ANKS1B: variants seen among roughly 807,000 people sequenced by gnomAD.
ANKS1B encodes ankyrin repeat and sterile alpha motif domain containing 1B, also known as ankyrin repeat and sterile alpha motif domain-containing protein 1B.
Under a neutral mutation model 148.3 loss-of-function variants are expected in ANKS1B, and 36 were observed. The observed-to-expected ratio is 0.24, with a 90% CI of 0.19 to 0.32. The LOEUF (loss-of-function observed/expected upper bound fraction) is 0.32, where lower values mean the gene tolerates loss of function less well. Ranked by LOEUF, ANKS1B falls within the 10% of genes least tolerant of loss-of-function variation. The pLI, the probability that ANKS1B is intolerant of heterozygous loss-of-function variation, is 1.00. For missense variants in ANKS1B, 1,157 were observed against 1,542.6 expected (o/e 0.75, Z 4.19); for synonymous variants, 542 against 560.8 (o/e 0.97, Z 0.47).
At chr12:99,651,794 TAA>T (rs1438497129) in intron 9 of ANKS1B, among the ~76,000 whole-genome samples, 1 of 151,938 alleles carries the variant, frequency 6.6e-6, no homozygotes, top group African/African-American at 2.4e-5. Flanking sequence ...ATACTGATAA[TAA>T]CAGAAAAAGA....
In ANKS1B at chr12:99,783,527, T is replaced by C. The variant is rs542427804; in HGVS notation, c.670-1430A>G. Among the ~76,000 whole-genome samples, 128 of 152,286 alleles carry C rather than the reference T, an allele frequency of 8.4e-4. 1 individual carries two copies. Among genetic ancestry groups the C allele is most frequent in the African/African-American group, 2.9e-3 (121 of 41,562 alleles). On this transcript the variant is annotated intron_variant, in intron 4 of 26. Transcript: ENST00000683438. ...CTGTAAATATTTATGATAAATGAAATCTAAACAATTTAATGTAGCCATAAA... is the reference window on the plus strand; with the variant it reads ...CTGTAAATATTTATGATAAATGAAACCTAAACAATTTAATGTAGCCATAAA...
intron 17 of ANKS1B, 84 bp downstream of exon 17, chr12:99,053,073 T>A: frequency 8.1e-7 from 1 of 1,238,730 alleles, no homozygotes; most frequent in African/African-American, 1.5e-5. Flanking sequence ...CCCCATTGGA[T>A]GTCCAAACAC....
At chr12:99,713,562 C>T (rs1466750121) in intron 8 of ANKS1B, among the ~76,000 whole-genome samples, 1 of 152,154 alleles carries the variant, frequency 6.6e-6, no homozygotes, top group South Asian at 2.1e-4. Context: ...TTCTATTTCC[C>T]ACATGACTGC....
At chr12:99,293,950 A>T (rs1353224211) in intron 12 of ANKS1B, among the ~76,000 whole-genome samples, 1 of 152,250 alleles carries the variant, frequency 6.6e-6, no homozygotes, top group African/African-American at 2.4e-5. Flanking sequence ...ATCATCAGAG[A>T]AATGCAGATC....
chr12:99,716,197 T>C (rs147405360), intron 8 of ANKS1B, among the ~76,000 whole-genome samples: 74 of 151,974 alleles, frequency 4.9e-4, no homozygotes, highest in African/African-American at 1.8e-3. Context: ...GATCCCTTAT[T>C]TCCATGCCCT....
At chr12:99,150,328 C>G (rs1184159691) in intron 15 of ANKS1B, among the ~76,000 whole-genome samples, 1 of 152,140 alleles carries the variant, frequency 6.6e-6, no homozygotes, top group East Asian at 1.9e-4. Context: ...AAGATACATA[C>G]AAGTGAAAAC....
chr12:99,315,846 G>A (rs1439243275), intron 12 of ANKS1B, among the ~76,000 whole-genome samples: 1 of 151,896 alleles, frequency 6.6e-6, no homozygotes, highest in Admixed American at 6.6e-5. Flanking sequence ...ACAGGCCCCG[G>A]TGTGTGATGT....
intron 1 of ANKS1B, among the ~76,000 whole-genome samples, chr12:99,849,200 A>G (rs1327140613): frequency 6.6e-6 from 1 of 152,178 alleles, no homozygotes; most frequent in Non-Finnish European, 1.5e-5. Context: ...AAAAAAACAA[A>G]TAAGCAAATA....
At chr12:99,277,670 T>C (rs983945036) in intron 12 of ANKS1B, among the ~76,000 whole-genome samples, 1 of 152,318 alleles carries the variant, frequency 6.6e-6, no homozygotes, top group Admixed American at 6.5e-5. Context: ...GAAGCAAAAC[T>C]GAACCCTATG....
chr12:99,473,410 G>T (rs182791299), intron 10 of ANKS1B, among the ~76,000 whole-genome samples: 5,635 of 151,958 alleles, frequency 0.037, 362 homozygotes, highest in African/African-American at 0.13. Flanking sequence ...ATATTGCAGT[G>T]AATATCCGTG....
intron 1 of ANKS1B, among the ~76,000 whole-genome samples, chr12:99,951,793 G>A (rs573852024): frequency 1.9e-4 from 29 of 152,250 alleles, no homozygotes; most frequent in South Asian, 1.4e-3. Context: ...AGGCTGAGCC[G>A]GAAGATCACT....
chr12:99,820,477 C>T (rs1469251243), intron 2 of ANKS1B, among the ~76,000 whole-genome samples: 1 of 151,828 alleles, frequency 6.6e-6, no homozygotes, highest in Non-Finnish European at 1.5e-5. Context: ...CTTTAGCCTA[C>T]CAATTATAAT....
intron 17 of ANKS1B, among the ~76,000 whole-genome samples, chr12:98,926,309 G>A (rs1242628306): frequency 6.6e-6 from 1 of 152,126 alleles, no homozygotes. Flanking sequence ...AGACTTCTGT[G>A]GATGCAGTGA....
intron 9 of ANKS1B, among the ~76,000 whole-genome samples, chr12:99,565,736 T>C (rs1431573509): frequency 6.6e-6 from 1 of 152,206 alleles, no homozygotes; most frequent in Non-Finnish European, 1.5e-5. Context: ...TTTCCTTTTG[T>C]AGTATTGTCT....
At chr12:99,415,516 A>G (rs923912434) in intron 11 of ANKS1B, among the ~76,000 whole-genome samples, 1 of 152,172 alleles carries the variant, frequency 6.6e-6, no homozygotes, top group African/African-American at 2.4e-5. Flanking sequence ...TTTTAATTAA[A>G]TTTTTTATTT....
intron 12 of ANKS1B, among the ~76,000 whole-genome samples, chr12:99,320,254 G>T (rs768728402): frequency 1.3e-4 from 20 of 152,162 alleles, no homozygotes; most frequent in Non-Finnish European, 2.1e-4. Context: ...GCTAGGTTGG[G>T]GAAGTTCTCC....
chr12:99,072,045 T>C (rs74660102), intron 16 of ANKS1B, among the ~76,000 whole-genome samples: 2,894 of 152,254 alleles, frequency 0.019, 87 homozygotes, highest in African/African-American at 0.061. Context: ...CATTTCAAAA[T>C]TATCAGTTTA....
chr12:99,562,955 T>A (rs59252793), intron 9 of ANKS1B, among the ~76,000 whole-genome samples: 2,366 of 152,318 alleles, frequency 0.016, 54 homozygotes, highest in African/African-American at 0.054. Flanking sequence ...TCCTTACAGT[T>A]TTGTACTATG....
intron 8 of ANKS1B, among the ~76,000 whole-genome samples, chr12:99,682,475 A>T (rs2098626845): frequency 6.6e-6 from 1 of 152,206 alleles, no homozygotes; most frequent in South Asian, 2.1e-4. Flanking sequence ...ATGGAAATAC[A>T]TGGAAATGAA....
Sources: gnomAD v4.1 joint callset for allele counts (sites outside exome capture counted in the v4.1 genomes callset) on GRCh38, gnomAD v4.1.1 for gene constraint, MANE v1.5 for transcripts, NCBI Gene and HGNC (gene_info 2026-07-23, HGNC 2026-07-21) for gene names.